Variants in ACOXL observed in about 807,000 individuals in gnomAD.
ACOXL encodes acyl-CoA oxidase like.
A neutral mutation model predicts 71.9 loss-of-function variants in ACOXL; 70 were observed. That is an observed-to-expected ratio of 0.97 (90% CI 0.80 to 1.19). The LOEUF (loss-of-function observed/expected upper bound fraction) is 1.19. ACOXL is among the 50% of genes most tolerant of loss of function. The pLI is 0.00. For missense variants in ACOXL, 703 were observed against 736.3 expected (o/e 0.95, Z 0.52); for synonymous variants, 253 against 281.6 (o/e 0.90, Z 1.02).
At chr2:110,760,938 G>T (rs901256004) in intron 1 of ACOXL, among the ~76,000 whole-genome samples, 22 of 152,192 alleles carry the variant, frequency 1.4e-4, no homozygotes, top group African/African-American at 5.3e-4. Context: ...AATAGACCCT[G>T]CCTCTTAAAT....
At chr2:110,848,840 A>G (rs1392947504) in intron 10 of ACOXL, among the ~76,000 whole-genome samples, 1 of 152,118 alleles carries the variant, frequency 6.6e-6, no homozygotes, top group Non-Finnish European at 1.5e-5. Context: ...CACAGATCTG[A>G]CCACGCCCCT....
chr2:110,929,633 C>G (rs2149327035), intron 11 of ACOXL, among the ~76,000 whole-genome samples: 1 of 152,312 alleles, frequency 6.6e-6, no homozygotes, highest in Non-Finnish European at 1.5e-5. Flanking sequence ...TGTCAGAGAC[C>G]TTTGCAGCAG....
At chr2:110,834,477 G>A (rs1264535927) in intron 9 of ACOXL, among the ~76,000 whole-genome samples, 2 of 152,226 alleles carry the variant, frequency 1.3e-5, no homozygotes, top group Non-Finnish European at 2.9e-5. Context: ...GCTGTAAACA[G>A]CAGAGAGGAA....
chr2:110,875,740 C>T lies in ACOXL; in HGVS notation c.789-33049C>T, dbSNP rs192633806. ...CTGGTGCTGTGGGATTCAGGGAAGG[C>T]CGCCTGACCTCTGTGAGCCTTGGGT... On this transcript the variant is annotated intron_variant, in intron 10 of 17. Transcript: ENST00000439055. Among the ~76,000 whole-genome samples the T allele has an allele frequency of 3.2e-3, 486 of 152,262 alleles. 5 individuals carry two copies. Among genetic ancestry groups the T allele is most frequent in the African/African-American group, 0.011 (466 of 41,546 alleles).
chr2:110,861,703 G>A (rs1276940183), intron 10 of ACOXL, among the ~76,000 whole-genome samples: 1 of 152,166 alleles, frequency 6.6e-6, no homozygotes, highest in Non-Finnish European at 1.5e-5. Flanking sequence ...TCGCTAATCC[G>A]GTGTTTGCAC....
chr2:110,857,269 G>A (rs936784666), intron 10 of ACOXL, among the ~76,000 whole-genome samples: 3 of 152,164 alleles, frequency 2.0e-5, no homozygotes, highest in Non-Finnish European at 2.9e-5. Flanking sequence ...AGGGGGACCC[G>A]TGTTTTCCCA....
At chr2:111,082,191 G>C (rs2067960628) in intron 16 of ACOXL, among the ~76,000 whole-genome samples, 1 of 152,098 alleles carries the variant, frequency 6.6e-6, no homozygotes, top group South Asian at 2.1e-4. Context: ...AAACTAAAGA[G>C]CTTCTGCACA....
chr2:110,932,984 G>C (rs1232699798), intron 11 of ACOXL, among the ~76,000 whole-genome samples: 4 of 152,154 alleles, frequency 2.6e-5, no homozygotes, highest in Non-Finnish European at 5.9e-5. Context: ...GTCAGATGCC[G>C]ACAGGCCTCT....
chr2:111,090,842 G>A (rs59575887), intron 16 of ACOXL, among the ~76,000 whole-genome samples: 338 of 152,284 alleles, frequency 2.2e-3, no homozygotes, highest in African/African-American at 7.7e-3. Context: ...CTGTAGCTCT[G>A]CTCACCACTC....
intron 1 of ACOXL, among the ~76,000 whole-genome samples, chr2:110,744,523 G>A (rs1330280564): frequency 6.6e-6 from 1 of 152,162 alleles, no homozygotes; most frequent in African/African-American, 2.4e-5. Flanking sequence ...ATCAAGCACA[G>A]TATCAGTGAG....
At chr2:110,992,832 G>A (rs1173274177) in intron 13 of ACOXL, among the ~76,000 whole-genome samples, 1 of 152,200 alleles carries the variant, frequency 6.6e-6, no homozygotes, top group Non-Finnish European at 1.5e-5. Flanking sequence ...TTAGGAGGTG[G>A]TGGTAGATGT....
At chr2:110,859,967 G>A (rs1051416625) in intron 10 of ACOXL, among the ~76,000 whole-genome samples, 7 of 152,056 alleles carry the variant, frequency 4.6e-5, no homozygotes, top group African/African-American at 9.7e-5. Context: ...ACCTCAGCCC[G>A]GTTCTCACAA....
intron 2 of ACOXL, among the ~76,000 whole-genome samples, chr2:110,782,723 G>A (rs999111149): frequency 2.0e-5 from 3 of 152,238 alleles, no homozygotes; most frequent in African/African-American, 7.2e-5. Flanking sequence ...TAATGGCAAA[G>A]TCATACTCCT....
intron 13 of ACOXL, among the ~76,000 whole-genome samples, chr2:110,987,483 C>A (rs539540779): frequency 1.3e-5 from 2 of 152,184 alleles, no homozygotes; most frequent in South Asian, 4.1e-4. Context: ...TCCTAAAAAC[C>A]CCATGAGGTA....
chr2:110,995,345 C>T (rs4849325), intron 13 of ACOXL, among the ~76,000 whole-genome samples: 4 of 150,030 alleles, frequency 2.7e-5, no homozygotes, highest in Non-Finnish European at 4.4e-5. Flanking sequence ...ACTAAAAATA[C>T]AAAAATTAGC....
rs549908818 is a variant in ACOXL at position 110,751,437 on chromosome 2, A to G, written c.-22-16931A>G. 4.3e-4 allele frequency among the ~76,000 whole-genome samples: 65 copies of G among 152,088 alleles called. 1 individual carries two copies. Among genetic ancestry groups the G allele is most frequent in the African/African-American group, 1.4e-3 (58 of 41,474 alleles). ...TGCTTTATCACGTATTTGCCCATCT[A>G]TTGATCTCTCTATTCACCATATCCC... On this transcript the variant is annotated intron_variant, in intron 1 of 17. Transcript: ENST00000439055.
intron 10 of ACOXL, among the ~76,000 whole-genome samples, chr2:110,864,628 G>A (rs545810938): frequency 2.6e-5 from 4 of 152,304 alleles, no homozygotes; most frequent in African/African-American, 9.6e-5. Context: ...GAGACCAAAT[G>A]CTCCCTCATT....
intron 9 of ACOXL, among the ~76,000 whole-genome samples, chr2:110,832,544 C>CAAAAAAAAA (rs769471148): frequency 2.3e-5 from 1 of 44,312 alleles, no homozygotes; most frequent in Non-Finnish European, 4.7e-5. Flanking sequence ...GACTCCATCT[C>CAAAAAAAAA]AAAAAAAAAA....
chr2:110,867,246 C>G (rs1019209828), intron 10 of ACOXL, among the ~76,000 whole-genome samples: 9 of 152,276 alleles, frequency 5.9e-5, no homozygotes, highest in Admixed American at 5.9e-4. Flanking sequence ...GCTTCTGTCT[C>G]TAGCAGATGT....
Sources: gnomAD v4.1 joint callset for allele counts (sites outside exome capture counted in the v4.1 genomes callset) on GRCh38, gnomAD v4.1.1 for gene constraint, MANE v1.5 for transcripts, NCBI Gene and HGNC (gene_info 2026-07-23, HGNC 2026-07-21) for gene names.